IL1RAPL2: variants seen among roughly 807,000 people sequenced by gnomAD.
IL1RAPL2 encodes the protein X-linked interleukin-1 receptor accessory protein-like 2.
Under a neutral mutation model 44.1 loss-of-function variants are expected in IL1RAPL2, and 3 were observed. The ratio of observed to expected loss-of-function variants is 0.07; its 90% CI spans 0.03 to 0.18. IL1RAPL2 has a LOEUF of 0.18. Among genes scored for constraint, IL1RAPL2 ranks in the 10% least tolerant of loss-of-function variants. IL1RAPL2 has a pLI of 1.00. For missense variants in IL1RAPL2, 391 were observed against 496.4 expected (o/e 0.79, Z 2.02); for synonymous variants, 181 against 178.8 (o/e 1.01, Z -0.10).
chrX:104,607,459 A>G (rs1038831518), intron 1 of IL1RAPL2, among the ~76,000 whole-genome samples: 13 of 112,209 alleles, frequency 1.2e-4, no homozygotes, highest in African/African-American at 4.2e-4. Context: ...CAACCTAGAG[A>G]ATGGGAGCAA....
chrX:105,740,720 T>C (rs1255437974), intron 8 of IL1RAPL2, 29 bp downstream of exon 8: 8 of 1,159,323 alleles, frequency 6.9e-6, no homozygotes, highest in Non-Finnish European at 9.4e-6. Context: ...ATAACTATGG[T>C]TTGCTTAGCT....
chrX:105,164,122 T>C (rs1476628442), intron 2 of IL1RAPL2, among the ~76,000 whole-genome samples: 1 of 110,519 alleles, frequency 9.0e-6, no homozygotes, highest in East Asian at 2.8e-4. Context: ...AGAAATCTTG[T>C]ATTATCTTGG....
intron 2 of IL1RAPL2, among the ~76,000 whole-genome samples, chrX:105,148,278 T>C (rs2033196793): frequency 9.0e-6 from 1 of 111,506 alleles, no homozygotes; most frequent in African/African-American, 3.3e-5. Flanking sequence ...TTCTATATTC[T>C]CAGGAGCCTG....
chrX:104,736,863 A>G (rs1213674929), intron 2 of IL1RAPL2, among the ~76,000 whole-genome samples: 1 of 112,144 alleles, frequency 8.9e-6, no homozygotes. Context: ...TGAACTTTTC[A>G]GTAAGCCAAA....
Position 105,767,050 on chromosome X carries a change from T to C in IL1RAPL2, c.1450T>C (p.Trp484Arg). Residue 484 changes from tryptophan to arginine, a missense_variant, in exon 11 of 11, where the codon TGG becomes CGG. Coordinates refer to ENST00000372582, the MANE Select transcript of IL1RAPL2 (RefSeq NM_017416.2). ...LTPDYILRRG[W>R]SIFELESRLH... ...TCCAGACTATATTCTCAGACGGGGA[T>C]GGAGTATTTTCGAACTGGAAAGCAG... The C allele has an allele frequency of 8.3e-7, 1 of 1,206,857 alleles. No individual in the cohort carries two copies. Among genetic ancestry groups the C allele is most frequent in the Non-Finnish European group, 1.1e-6 (1 of 891,189 alleles).
chrX:104,701,324 G>A lies in IL1RAPL2; in HGVS notation c.82+42329G>A, dbSNP rs771158022. 4.5e-5 allele frequency among the ~76,000 whole-genome samples: 5 copies of A among 111,659 alleles called. No homozygotes were observed. The South Asian group carries it at 1.5e-3, about 34-fold the overall frequency. On this transcript the variant is annotated intron_variant, in intron 2 of 10. Transcript: ENST00000372582. Reference sequence around the variant, plus strand: ...GAGGAAACTGAGGTACAGAAAGGTCGAGTGACTTTCCTCAAAGTCACAGAG... The same window carrying A: ...GAGGAAACTGAGGTACAGAAAGGTCAAGTGACTTTCCTCAAAGTCACAGAG...
chrX:104,611,836 CAAAAAA>C (rs57729757), intron 1 of IL1RAPL2, among the ~76,000 whole-genome samples: 5 of 39,958 alleles, frequency 1.3e-4, no homozygotes, highest in African/African-American at 3.0e-4. Flanking sequence ...GACTCCATCT[CAAAAAA>C]AAAAAAAAAA....
At position 104,717,950 on chromosome X, in the gene IL1RAPL2, C is replaced by T. The variant is rs189540842; in HGVS notation, c.82+58955C>T. 2.8e-3 allele frequency among the ~76,000 whole-genome samples: 310 copies of T among 110,985 alleles called. 1 individual carries two copies. Among genetic ancestry groups the T allele is most frequent in the African/African-American group, 9.5e-3 (290 of 30,685 alleles). On this transcript the variant is annotated intron_variant, in intron 2 of 10. Coordinates refer to ENST00000372582, the MANE Select transcript of IL1RAPL2 (RefSeq NM_017416.2). ...GGACGTGAACTCATCATTGTTATGG[C>T]TGCATAGTATTCCATGGTGTATATG...
intron 2 of IL1RAPL2, among the ~76,000 whole-genome samples, chrX:104,956,203 G>A (rs766535798): frequency 8.9e-6 from 1 of 111,965 alleles, no homozygotes; most frequent in Admixed American, 9.4e-5. Flanking sequence ...CAGATAAAGG[G>A]CATCCCTGGA....
At chrX:104,674,465 T>A (rs1042077265) in intron 2 of IL1RAPL2, among the ~76,000 whole-genome samples, 2 of 112,105 alleles carry the variant, frequency 1.8e-5, no homozygotes, top group African/African-American at 6.5e-5. Context: ...TCATGGTGGA[T>A]AAGCTTTTTG....
intron 5 of IL1RAPL2, among the ~76,000 whole-genome samples, chrX:105,356,857 C>G (rs2035207166): frequency 8.9e-6 from 1 of 112,043 alleles, no homozygotes; most frequent in South Asian, 3.7e-4. Flanking sequence ...CTATATCAAA[C>G]TCAACAAACC....
At chrX:105,182,064 CAAA>C in intron 2 of IL1RAPL2, among the ~76,000 whole-genome samples, 1 of 58,779 alleles carries the variant, frequency 1.7e-5, no homozygotes, top group Admixed American at 2.2e-4. Context: ...GAGACTCTGT[CAAA>C]AAAAAAAAAA....
intron 2 of IL1RAPL2, among the ~76,000 whole-genome samples, chrX:104,705,262 G>C (rs376645608): frequency 9.0e-6 from 1 of 111,542 alleles, no homozygotes; most frequent in East Asian, 2.8e-4. Flanking sequence ...CATACAGCTA[G>C]TTAGGTTGTG....
At chrX:104,937,158 G>A (rs889701988) in intron 2 of IL1RAPL2, among the ~76,000 whole-genome samples, 2 of 112,353 alleles carry the variant, frequency 1.8e-5, no homozygotes, top group African/African-American at 6.5e-5. Flanking sequence ...CTTGACTCAA[G>A]TCTGTATAGA....
intron 5 of IL1RAPL2, among the ~76,000 whole-genome samples, chrX:105,327,543 A>G (rs7066646): frequency 0.061 from 6,808 of 111,517 alleles, 497 homozygotes; most frequent in African/African-American, 0.21. Context: ...GACCTCAACA[A>G]TACTGATTAT....
intron 4 of IL1RAPL2, among the ~76,000 whole-genome samples, chrX:105,249,164 TA>T (rs1279844235): frequency 6.3e-5 from 7 of 111,009 alleles, no homozygotes; most frequent in East Asian, 5.7e-4. Flanking sequence ...TATTCAGCCA[TA>T]AAAAAAGAGA....
At chrX:105,257,688 C>A (rs1385000764) in intron 4 of IL1RAPL2, among the ~76,000 whole-genome samples, 2 of 111,915 alleles carry the variant, frequency 1.8e-5, no homozygotes, top group Admixed American at 9.5e-5. Flanking sequence ...TTATGTAATA[C>A]CCTTTTCTAT....
intron 2 of IL1RAPL2, among the ~76,000 whole-genome samples, chrX:105,048,209 CAT>C (rs757248018): frequency 3.3e-4 from 37 of 112,070 alleles, no homozygotes; most frequent in African/African-American, 1.1e-3. Flanking sequence ...GTTTTCATGA[CAT>C]GTGTCAGGAT....
chrX:105,013,852 C>T (rs961548843), intron 2 of IL1RAPL2, among the ~76,000 whole-genome samples: 5 of 111,767 alleles, frequency 4.5e-5, no homozygotes, highest in African/African-American at 1.6e-4. Context: ...ATCAGTGGCT[C>T]AGTACATATT....
Sources: allele counts gnomAD v4.1 joint callset (sites outside exome capture counted in the v4.1 genomes callset), GRCh38; gene constraint gnomAD v4.1.1; transcripts MANE v1.5; gene names NCBI Gene and HGNC (gene_info 2026-07-23, HGNC 2026-07-21).